Variants in CCDC178 observed in about 807,000 individuals in gnomAD.
CCDC178 encodes coiled-coil domain-containing protein 178.
In CCDC178, 126 loss-of-function variants were observed where a neutral mutation model predicts 117.4. The observed-to-expected ratio is 1.07, with a 90% CI of 0.93 to 1.24. The LOEUF is 1.24. CCDC178 is among the 50% of genes most tolerant of loss of function. The probability of loss-of-function intolerance (pLI) is 0.00; values close to 1 mark genes in which losing one functional copy is unlikely to be tolerated. For synonymous variants in CCDC178, 283 were observed against 313.4 expected, an observed-to-expected ratio of 0.90 and a Z score of 1.02; for missense variants, 1,030 against 986.9, an observed-to-expected ratio of 1.04 and a Z score of -0.59.
At chr18:33,161,640 G>T (rs1026195865) in intron 20 of CCDC178, among the ~76,000 whole-genome samples, 1 of 152,086 alleles carries the variant, frequency 6.6e-6, no homozygotes, top group African/African-American at 2.4e-5. Context: ...TCTCCTAAAT[G>T]GATAGAGTTA....
chr18:33,180,081 C>T (rs1190152298), intron 20 of CCDC178, among the ~76,000 whole-genome samples: 7 of 151,826 alleles, frequency 4.6e-5, no homozygotes, highest in African/African-American at 1.2e-4. Flanking sequence ...AATAAACGTA[C>T]ATTAAATTTT....
chr18:33,029,923 C>T (rs992709690), intron 21 of CCDC178, among the ~76,000 whole-genome samples: 1 of 151,912 alleles, frequency 6.6e-6, no homozygotes, highest in Non-Finnish European at 1.5e-5. Flanking sequence ...ATTCCATATG[C>T]TCTTGAGAAG....
chr18:33,375,322 T>C (rs2063350260), intron 5 of CCDC178, among the ~76,000 whole-genome samples: 1 of 152,178 alleles, frequency 6.6e-6, no homozygotes, highest in African/African-American at 2.4e-5. Flanking sequence ...TGATAAGAAA[T>C]AATCTTTTCC....
chr18:33,306,616 ATG>A (rs201944065), intron 11 of CCDC178, among the ~76,000 whole-genome samples: 4,376 of 140,432 alleles, frequency 0.031, 111 homozygotes, highest in East Asian at 0.11. Flanking sequence ...TTATATATAT[ATG>A]GTTATATATA....
intron 20 of CCDC178, among the ~76,000 whole-genome samples, chr18:33,114,505 T>C (rs1245233162): frequency 6.6e-6 from 1 of 152,070 alleles, no homozygotes; most frequent in Non-Finnish European, 1.5e-5. Context: ...GTTATTACTC[T>C]ATTACTAATT....
At chr18:33,231,180 T>C (rs568021663) in intron 15 of CCDC178, among the ~76,000 whole-genome samples, 1 of 152,344 alleles carries the variant, frequency 6.6e-6, no homozygotes, top group South Asian at 2.1e-4. Flanking sequence ...GACCATGTGC[T>C]TGTGGACACA....
At chr18:32,941,958 C>T (rs1434113776) in intron 22 of CCDC178, among the ~76,000 whole-genome samples, 1 of 152,048 alleles carries the variant, frequency 6.6e-6, no homozygotes, top group Non-Finnish European at 1.5e-5. Flanking sequence ...GAATATAGCC[C>T]TTCCTTAATA....
At chr18:33,029,867 T>C (rs559511668) in intron 21 of CCDC178, among the ~76,000 whole-genome samples, 1 of 152,166 alleles carries the variant, frequency 6.6e-6, no homozygotes, top group East Asian at 1.9e-4. Context: ...TTATATCAAA[T>C]TTTGTAAAGT....
intron 20 of CCDC178, among the ~76,000 whole-genome samples, chr18:33,147,160 T>TG (rs2058277956): frequency 2.7e-5 from 4 of 148,856 alleles, no homozygotes; most frequent in African/African-American, 1.0e-4. Context: ...TTTTTTTTTT[T>TG]GTAAGGAACA....
chr18:33,310,526 A>T (rs1478987118), intron 11 of CCDC178, among the ~76,000 whole-genome samples: 1 of 151,934 alleles, frequency 6.6e-6, no homozygotes, highest in Non-Finnish European at 1.5e-5. Flanking sequence ...CATCGCTACA[A>T]GAAACAAAAA....
chr18:33,367,589 T>C (rs2063229891), intron 6 of CCDC178, among the ~76,000 whole-genome samples: 1 of 151,984 alleles, frequency 6.6e-6, no homozygotes, highest in Non-Finnish European at 1.5e-5. Flanking sequence ...TTTTTCTTAT[T>C]GTGATAGGTT....
At chr18:33,336,261 T>C (rs1453646799) in intron 9 of CCDC178, among the ~76,000 whole-genome samples, 6 of 152,114 alleles carry the variant, frequency 3.9e-5, no homozygotes, top group African/African-American at 1.2e-4. Flanking sequence ...TTTTATGTCC[T>C]GATCTCTAAT....
At chr18:33,122,051 C>T (rs1176157610) in intron 20 of CCDC178, among the ~76,000 whole-genome samples, 3 of 152,108 alleles carry the variant, frequency 2.0e-5, no homozygotes, top group Non-Finnish European at 2.9e-5. Context: ...AGTATACTTA[C>T]TCTACTATGT....
intron 20 of CCDC178, among the ~76,000 whole-genome samples, chr18:33,185,490 T>A (rs2144496435): frequency 6.6e-6 from 1 of 152,170 alleles, no homozygotes; most frequent in South Asian, 2.1e-4. Flanking sequence ...TCTTTTCTAG[T>A]ATCTGGTTTA....
chr18:33,211,033 G>A (rs1157085855), intron 20 of CCDC178, among the ~76,000 whole-genome samples: 1 of 151,730 alleles, frequency 6.6e-6, no homozygotes, highest in African/African-American at 2.4e-5. Context: ...CTTTAGATAT[G>A]TAAAAAGTAG....
intron 18 of CCDC178, among the ~76,000 whole-genome samples, chr18:33,222,103 T>C (rs2059241793): frequency 6.6e-6 from 1 of 152,118 alleles, no homozygotes; most frequent in African/African-American, 2.4e-5. Context: ...GAGTGTCAGA[T>C]TGATAATTTG....
intron 4 of CCDC178, among the ~76,000 whole-genome samples, chr18:33,395,074 G>C (rs1036503616): frequency 1.4e-5 from 2 of 146,080 alleles, no homozygotes; most frequent in African/African-American, 5.0e-5. Flanking sequence ...TGGAGCACAG[G>C]GTGCAAAATG....
intron 2 of CCDC178, among the ~76,000 whole-genome samples, chr18:33,438,518 T>A (rs12956958): frequency 1.4e-5 from 2 of 146,446 alleles, no homozygotes; most frequent in Admixed American, 6.9e-5. Context: ...ATATACGGCA[T>A]ACACACACAC....
intron 22 of CCDC178, among the ~76,000 whole-genome samples, chr18:32,953,847 G>T (rs755726864): frequency 6.6e-6 from 1 of 152,056 alleles, no homozygotes; most frequent in East Asian, 1.9e-4. Flanking sequence ...ATAATAACAT[G>T]AATAAGGGCA....
Sources: gnomAD v4.1 joint callset for allele counts (sites outside exome capture counted in the v4.1 genomes callset) on GRCh38, gnomAD v4.1.1 for gene constraint, MANE v1.5 for transcripts, NCBI Gene and HGNC (gene_info 2026-07-23, HGNC 2026-07-21) for gene names.